STXBP4: variants seen among roughly 807,000 people sequenced by gnomAD.
STXBP4 encodes syntaxin-binding protein 4.
In STXBP4, 55 loss-of-function variants were observed where a neutral mutation model predicts 76.1. That is an observed-to-expected ratio of 0.72 (90% CI 0.58 to 0.91). The LOEUF is 0.91. Ranked by LOEUF, STXBP4 falls within the 40% of genes least tolerant of loss-of-function variation. The pLI is 0.00. For missense variants in STXBP4, 618 were observed against 636.9 expected, an observed-to-expected ratio of 0.97 and a Z score of 0.32; for synonymous variants, 201 against 220.2, an observed-to-expected ratio of 0.91 and a Z score of 0.77.
chr17:55,096,728 T>G (rs988977870), intron 16 of STXBP4, among the ~76,000 whole-genome samples: 1 of 152,054 alleles, frequency 6.6e-6, no homozygotes, highest in African/African-American at 2.4e-5. Context: ...AAAAGCTCTC[T>G]TTGGGACTAT....
At chr17:54,980,065 G>A (rs556085974) in intron 1 of STXBP4, among the ~76,000 whole-genome samples, 8 of 152,238 alleles carry the variant, frequency 5.3e-5, no homozygotes, top group East Asian at 3.9e-4. Flanking sequence ...GCAATTGTAT[G>A]TAAACCAATA....
Position 55,160,174 on chromosome 17 carries a change from A to G in STXBP4, c.*263A>G, listed in dbSNP as rs767546348. On this transcript the variant is annotated 3_prime_UTR_variant, in exon 18 of 18. Transcript: ENST00000376352. Reference sequence around the variant, plus strand: ...CACATATAATTAGACTTTATAATATATATACTTTTTCATATATAATTAGAT... The same window carrying G: ...CACATATAATTAGACTTTATAATATGTATACTTTTTCATATATAATTAGAT... 2 of 221,688 alleles carry G rather than the reference A, an allele frequency of 9.0e-6. No homozygotes were observed. Among genetic ancestry groups the G allele is most frequent in the Non-Finnish European group, 1.7e-5 (2 of 114,736 alleles). 13.7% of individuals were successfully genotyped at this position (221,688 alleles called of 1,614,324 possible).
chr17:55,074,966 T>C (rs1431661621), intron 13 of STXBP4, among the ~76,000 whole-genome samples: 2 of 152,074 alleles, frequency 1.3e-5, no homozygotes, highest in African/African-American at 4.8e-5. Context: ...AATTCAAGTG[T>C]CTATTTGTAA....
At position 55,072,868 on chromosome 17, in the gene STXBP4, TTTTTAAATGACA is replaced by T; in HGVS notation, c.1012-29_1012-18del. 1.9e-6 allele frequency: 3 copies of T among 1,562,658 alleles called. No individual in the cohort carries two copies. The highest frequency in any genetic ancestry group is 2.6e-6 in the Non-Finnish European group (3 of 1,157,334). Reference sequence around the variant, plus strand: ...AACCTCGGAACTATTTCTTATGTATTTTTTAAATGACATTAATTTTGAAATCTTTAGGAAGCC... The same window carrying T: ...AACCTCGGAACTATTTCTTATGTATTTTAATTTTGAAATCTTTAGGAAGCC... On this transcript the variant is annotated intron_variant, in intron 12 of 17. Coordinates refer to ENST00000376352, the MANE Select transcript of STXBP4 (RefSeq NM_178509.6).
chr17:54,998,210 T>C (rs909675278), intron 4 of STXBP4, among the ~76,000 whole-genome samples: 1 of 152,316 alleles, frequency 6.6e-6, no homozygotes, highest in East Asian at 1.9e-4. Context: ...CCAAGGGATA[T>C]ATTTTAGTAG....
At chr17:55,104,571 A>T (rs2079607353) in intron 16 of STXBP4, among the ~76,000 whole-genome samples, 1 of 152,114 alleles carries the variant, frequency 6.6e-6, no homozygotes, top group Non-Finnish European at 1.5e-5. Context: ...CATCAGGGAT[A>T]TTGGCCTTAA....
At chr17:55,181,157 C>A in the STXBP4 span, among the ~76,000 whole-genome samples, 1 of 152,174 alleles carries the variant, frequency 6.6e-6, no homozygotes, top group South Asian at 2.1e-4. Flanking sequence ...TCACATAAGA[C>A]TCTAAATTCT....
chr17:55,138,500 G>C (rs1191881491), intron 16 of STXBP4, among the ~76,000 whole-genome samples: 1 of 152,090 alleles, frequency 6.6e-6, no homozygotes, highest in East Asian at 1.9e-4. Flanking sequence ...AGTCATCACT[G>C]TGAAGTTATT....
intron 1 of STXBP4, among the ~76,000 whole-genome samples, chr17:54,982,226 ATT>A: frequency 6.6e-6 from 1 of 152,146 alleles, no homozygotes; most frequent in Non-Finnish European, 1.5e-5. Flanking sequence ...AACTGGTTTT[ATT>A]GAATACCATG....
At chr17:55,058,242 C>T (rs1349743298) in intron 12 of STXBP4, among the ~76,000 whole-genome samples, 3 of 152,166 alleles carry the variant, frequency 2.0e-5, no homozygotes, top group Non-Finnish European at 4.4e-5. Context: ...TCATGATCGC[C>T]ATTCTAACTG....
At chr17:55,087,900 T>C (rs2079359316) in intron 16 of STXBP4, among the ~76,000 whole-genome samples, 1 of 152,172 alleles carries the variant, frequency 6.6e-6, no homozygotes, top group African/African-American at 2.4e-5. Flanking sequence ...TTCCATTTGT[T>C]TATAGCCTCT....
rs192945480 is a variant in STXBP4 at position 55,031,926 on chromosome 17, C to A, written c.763+662C>A. Among the ~76,000 whole-genome samples, 184 of 152,244 alleles carry A rather than the reference C, an allele frequency of 1.2e-3. 1 individual carries two copies. Among genetic ancestry groups the A allele is most frequent in the Non-Finnish European group, 1.9e-4 (13 of 68,024 alleles). On this transcript the variant is annotated intron_variant, in intron 9 of 17. Transcript: ENST00000376352. ...TTCTTATTAAAGATACCATAATGTA[C>A]CACTTAGTTATTGTACTATAATATT...
chr17:55,001,270 C>T (rs987749247), intron 7 of STXBP4, among the ~76,000 whole-genome samples: 1 of 152,034 alleles, frequency 6.6e-6, no homozygotes, highest in Non-Finnish European at 1.5e-5. Context: ...GGGAGCATAC[C>T]TTAAGAAAAG....
chr17:55,178,506 A>G (rs1279460325), downstream of STXBP4, among the ~76,000 whole-genome samples: 1 of 152,278 alleles, frequency 6.6e-6, no homozygotes, highest in Admixed American at 6.5e-5. Flanking sequence ...AGTTATGTGT[A>G]GCACTTAAGT....
At chr17:55,133,594 A>G (rs1344434169) in intron 16 of STXBP4, among the ~76,000 whole-genome samples, 1 of 152,206 alleles carries the variant, frequency 6.6e-6, no homozygotes, top group African/African-American at 2.4e-5. Flanking sequence ...CAAGCCTTGG[A>G]GCAGTCCAAC....
chr17:55,013,406 A>G (rs565315543), intron 8 of STXBP4, among the ~76,000 whole-genome samples: 3 of 152,302 alleles, frequency 2.0e-5, no homozygotes, highest in African/African-American at 4.8e-5. Flanking sequence ...TAATTACTGT[A>G]TATAATGGCC....
At chr17:55,208,042 A>G in the STXBP4 span, among the ~76,000 whole-genome samples, 1 of 150,816 alleles carries the variant, frequency 6.6e-6, no homozygotes, top group South Asian at 2.1e-4. Context: ...TGGCAGTCTT[A>G]AGTCTCAAAG....
In STXBP4 at chr17:55,164,997, T is replaced by C. The variant is rs1208909143; in HGVS notation, c.*5086T>C. On this transcript the variant is annotated 3_prime_UTR_variant, in exon 18 of 18. Coordinates refer to ENST00000376352, the MANE Select transcript of STXBP4 (RefSeq NM_178509.6). The stretch of plus-strand genomic sequence containing the variant: ...TAATTCGTATTCTATGCAAAGGATA[T>C]ACGATTGAAATTAACCAAAACTTTT... 1.3e-5 allele frequency: 2 copies of C among 152,228 alleles called. No individual in the cohort carries two copies. Among genetic ancestry groups the C allele is most frequent in the African/African-American group, 2.4e-5 (1 of 41,450 alleles). 9.4% of individuals were successfully genotyped at this position (152,228 alleles called of 1,614,324 possible). A position where few individuals can be genotyped will look rare whatever the true frequency, so the allele number is the denominator to read the frequency against.
At position 54,999,361 on chromosome 17, in the gene STXBP4, CAGG is replaced by C; in HGVS notation, c.200_202del (p.Gly67del). On this transcript the variant is annotated inframe_deletion, in exon 5 of 18. Transcript: ENST00000376352. ...TTTTGTTAGGATGGTCGTTTGAAGC[CAGG>C]AGATCAACTTGTCTCAGTCAACAAG... is the stretch of plus-strand genomic sequence containing the variant. 4 of 1,610,712 alleles carry C rather than the reference CAGG, an allele frequency of 2.5e-6. No homozygotes were observed. The highest frequency in any genetic ancestry group is 1.3e-5 in the African/African-American group (1 of 74,794).
Sources: allele counts gnomAD v4.1 joint callset (sites outside exome capture counted in the v4.1 genomes callset), GRCh38; gene constraint gnomAD v4.1.1; transcripts MANE v1.5; gene names NCBI Gene and HGNC (gene_info 2026-07-23, HGNC 2026-07-21).